Variants in MTA1 observed in about 807,000 individuals in gnomAD.
MTA1 encodes the protein metastasis associated 1, also known as metastasis-associated protein MTA1.
MTA1 carries 15 observed loss-of-function variants against 97.0 expected under a neutral mutation model. The observed-to-expected ratio is 0.15, with a 90% CI of 0.10 to 0.24. MTA1 has a LOEUF of 0.24. Ranked by LOEUF, MTA1 falls within the 10% of genes least tolerant of loss-of-function variation. MTA1 has a pLI of 1.00. For synonymous variants in MTA1, 435 were observed against 417.5 expected (o/e 1.04, Z -0.51); for missense variants, 709 against 1,015.1 (o/e 0.70, Z 4.10).
chr14:105,463,138 G>C lies in MTA1; in HGVS notation c.943-46G>C. 6.3e-7 allele frequency: 1 copy of C among 1,585,118 alleles called. No individual in the cohort carries two copies. Among genetic ancestry groups the C allele is most frequent in the Non-Finnish European group, 8.6e-7 (1 of 1,159,302 alleles). Reference sequence around the variant, plus strand: ...CTGCCCCTGCCTGCATGGTGTGCCTGCCTCCTGCCCCTTCCTGCTTGTGTG... The same window carrying C: ...CTGCCCCTGCCTGCATGGTGTGCCTCCCTCCTGCCCCTTCCTGCTTGTGTG... On this transcript the variant is annotated intron_variant, in intron 10 of 20. Transcript: ENST00000331320. This position sits in a 1 kb window ranked among gnomAD's most constrained non-coding sequence, Gnocchi z 5.9.
chr14:105,459,145 G>A (rs1383123770), intron 8 of MTA1, among the ~76,000 whole-genome samples: 1 of 36,896 alleles, frequency 2.7e-5, no homozygotes, highest in Non-Finnish European at 7.1e-5. Flanking sequence ...CGCGCTGCCC[G>A]TGGCCCCTGG....
rs2083452427 is a variant in MTA1 at position 105,463,749 on chromosome 14, C to T, written c.1076+198C>T. ...GGCCATGTCTCTGTCGTCCTGGCCT[C>T]CTGGTCAGTAAGGGGGCATTGGGAT... On this transcript the variant is annotated intron_variant, in intron 12 of 20. Transcript: ENST00000331320. This position sits in a 1 kb window ranked among gnomAD's most constrained non-coding sequence, Gnocchi z 5.9. 4.8e-6 allele frequency: 3 copies of T among 627,924 alleles called. No homozygotes were observed. In the South Asian group the frequency reaches 5.7e-5, roughly 12 times the overall value. 38.9% of individuals were successfully genotyped at this position (627,924 alleles called of 1,614,324 possible). A position where few individuals can be genotyped will look rare whatever the true frequency, so the allele number is the denominator to read the frequency against.
chr14:105,441,382 G>C (rs2082507640), intron 2 of MTA1, among the ~76,000 whole-genome samples: 1 of 152,232 alleles, frequency 6.6e-6, no homozygotes, highest in African/African-American at 2.4e-5. Flanking sequence ...GCACCCATGG[G>C]TGCAGCCCAT....
intron 7 of MTA1, chr14:105,454,604 G>GTT (rs1483463094): frequency 2.5e-5 from 7 of 276,680 alleles, no homozygotes; most frequent in African/African-American, 1.5e-4. Flanking sequence ...TCTGGCAGTT[G>GTT]TTTTTCTTTT....
rs1474893737 is a variant in MTA1 at position 105,420,204 on chromosome 14, G to C, written c.28+141G>C. On this transcript the variant is annotated intron_variant, in intron 1 of 20. Coordinates refer to ENST00000331320, the MANE Select transcript of MTA1 (RefSeq NM_004689.4). The surrounding 1 kb of genome is among the most constrained non-coding windows in gnomAD (Gnocchi z 5.3). ...GCGGCCCCCGGCTCCTTCCCGAACC[G>C]CCCCCCGCCGTGCTCACCCCAACCC... 2.9e-6 allele frequency: 1 copy of C among 347,684 alleles called. No individual in the cohort carries two copies. Among genetic ancestry groups the C allele is most frequent in the African/African-American group, 2.3e-5 (1 of 44,420 alleles). 21.5% of individuals were successfully genotyped at this position (347,684 alleles called of 1,614,324 possible). A position where few individuals can be genotyped will look rare whatever the true frequency, so the allele number is the denominator to read the frequency against.
At position 105,420,005 on chromosome 14, in the gene MTA1, C is replaced by T; in HGVS notation, c.-31C>T. On this transcript the variant is annotated 5_prime_UTR_variant, in exon 1 of 21. Coordinates refer to ENST00000331320, the MANE Select transcript of MTA1 (RefSeq NM_004689.4). The surrounding 1 kb of genome is among the most constrained non-coding windows in gnomAD (Gnocchi z 5.3). Reference sequence around the variant, plus strand: ...CGCCCGCGCCGAGCGCCGCGCCCGCCCCGGGCCCCTCCGCCGCCGCCGGCC... The same window carrying T: ...CGCCCGCGCCGAGCGCCGCGCCCGCTCCGGGCCCCTCCGCCGCCGCCGGCC... 1.9e-6 allele frequency: 2 copies of T among 1,042,868 alleles called. No homozygotes were observed. Among genetic ancestry groups the T allele is most frequent in the South Asian group, 7.0e-5 (2 of 28,592 alleles). The allele number at this position is 1,042,868 out of a possible 1,614,324, so 64.6% of individuals were successfully genotyped here.
At position 105,452,851 on chromosome 14, in the gene MTA1, G is replaced by A. The variant is rs138446955; in HGVS notation, c.433-1342G>A. 1.1e-3 allele frequency among the ~76,000 whole-genome samples: 167 copies of A among 152,334 alleles called. 1 individual carries two copies. The highest frequency in any genetic ancestry group is 3.7e-3 in the African/African-American group (154 of 41,576). On this transcript the variant is annotated intron_variant, in intron 6 of 20. Transcript: ENST00000331320. Reference sequence around the variant, plus strand: ...AAAGGTAGCTCTTGAAAGAAAACACGCAGAGTAGCTTTCAGAATAGGAGAG... The same window carrying A: ...AAAGGTAGCTCTTGAAAGAAAACACACAGAGTAGCTTTCAGAATAGGAGAG...
In MTA1 at chr14:105,422,953, G is replaced by A. The variant is rs2081892603; in HGVS notation, c.28+2890G>A. Among the ~76,000 whole-genome samples, 1 of 152,160 alleles carries A rather than the reference G, an allele frequency of 6.6e-6. No homozygotes were observed. The highest frequency in any genetic ancestry group is 1.5e-5 in the Non-Finnish European group (1 of 68,024). ...CTGCTTCTCAAGGGTTGTCCATCCC[G>A]AGGGCTGGGGAAGGCTTGAAACCTG... On this transcript the variant is annotated intron_variant, in intron 1 of 20. Coordinates refer to ENST00000331320, the MANE Select transcript of MTA1 (RefSeq NM_004689.4). This position sits in a 1 kb window ranked among gnomAD's most constrained non-coding sequence, Gnocchi z 4.3.
chr14:105,466,713 T>C lies in MTA1; in HGVS notation c.1784T>C (p.Met595Thr). Residue 595 changes from methionine (M) to threonine (T), a missense_variant, in exon 18 of 21, where the codon ATG (methionine) becomes ACG (threonine). Met to Thr is a moderately conservative substitution (Grantham distance 81). Coordinates refer to ENST00000331320, the MANE Select transcript of MTA1 (RefSeq NM_004689.4). ...CCCACCCCGGCGCTGCCAGGCAACA[T>C]GAAGAAGCGCCTCTTGATGCCCAGT... is the stretch of plus-strand genomic sequence containing the variant. ...YEQHNGVDGN[M>T]KKRLLMPSRG... 6.2e-7 allele frequency: 1 copy of C among 1,601,782 alleles called. No individual in the cohort carries two copies. Among genetic ancestry groups the C allele is most frequent in the Non-Finnish European group, 8.5e-7 (1 of 1,175,694 alleles).
At chr14:105,441,749 C>CAA (rs2082536334) in intron 2 of MTA1, among the ~76,000 whole-genome samples, 1 of 152,056 alleles carries the variant, frequency 6.6e-6, no homozygotes, top group Non-Finnish European at 1.5e-5. Context: ...AGCCGAGATC[C>CAA]CGCCACTACA....
intron 6 of MTA1, among the ~76,000 whole-genome samples, chr14:105,453,152 C>A (rs1203448403): frequency 6.6e-6 from 1 of 152,256 alleles, no homozygotes; most frequent in African/African-American, 2.4e-5. Context: ...GCCTGGGGGC[C>A]CTGGTGTGAG....
chr14:105,468,804 G>C (rs1425941516), intron 18 of MTA1, among the ~76,000 whole-genome samples: 1 of 152,208 alleles, frequency 6.6e-6, no homozygotes, highest in Non-Finnish European at 1.5e-5. Context: ...GTGGGGAAGG[G>C]CAGTGAGTGG....
intron 3 of MTA1, chr14:105,448,957 C>T (rs2082816817): frequency 5.9e-6 from 1 of 169,852 alleles, no homozygotes; most frequent in African/African-American, 2.4e-5. Context: ...TGCACGCCCC[C>T]ATTTTGGGTG....
In MTA1 at chr14:105,420,040, C is replaced by T. The variant is rs1555420448; in HGVS notation, c.5C>T (p.Ala2Val). 2.7e-6 allele frequency: 3 copies of T among 1,090,968 alleles called. No individual in the cohort carries two copies. The highest frequency in any genetic ancestry group is 2.7e-5 in the South Asian group (1 of 37,144). The allele number at this position is 1,090,968 out of a possible 1,614,324, so 67.6% of individuals were successfully genotyped here. A position where few individuals can be genotyped will look rare whatever the true frequency, so the allele number is the denominator to read the frequency against. The part of the protein sequence containing the change: M[A>V]ANMYRVGDYV... ...TCCGCCGCCGCCGGCCCGGACATGG[C>T]CGCCAACATGTACAGGGTCGGAGGT... The change falls in exon 1 of 21, where the codon GCC becomes GTC. Residue 2 changes from alanine (A) to valine (V), a missense_variant. Coordinates refer to ENST00000331320, the MANE Select transcript of MTA1 (RefSeq NM_004689.4). This position sits in a 1 kb window ranked among gnomAD's most constrained non-coding sequence, Gnocchi z 5.3.
chr14:105,461,948 G>A (rs933221393), intron 10 of MTA1, among the ~76,000 whole-genome samples: 3 of 152,218 alleles, frequency 2.0e-5, no homozygotes, highest in African/African-American at 4.8e-5. Context: ...ACAAGAGGAC[G>A]AGGGCTAGAA....
chr14:105,433,966 T>TA (rs2082256262), intron 1 of MTA1, among the ~76,000 whole-genome samples: 2 of 152,136 alleles, frequency 1.3e-5, no homozygotes, highest in Non-Finnish European at 2.9e-5. Context: ...TAGCTGGGAC[T>TA]ACAGGTGCGT....
intron 10 of MTA1, 122 bp downstream of exon 10, chr14:105,461,075 T>G: frequency 2.0e-6 from 2 of 1,022,180 alleles, no homozygotes; most frequent in South Asian, 1.6e-5. Flanking sequence ...CCTGATTCCC[T>G]GTGCGGAGCT....
rs140991917 is a variant in MTA1 at position 105,434,490 on chromosome 14, C to CT, written c.29-4161dup. Among the ~76,000 whole-genome samples the CT allele has an allele frequency of 6.3e-3, 545 of 86,914 alleles. 8 individuals carry two copies. Among genetic ancestry groups the CT allele is most frequent in the African/African-American group, 0.019 (509 of 26,822 alleles). 57.0% of individuals were successfully genotyped at this position (86,914 alleles called of 152,430 possible). ...TTGTTAGTAGTACGTAGAAAGAGGA[C>CT]TTTTTTTTTTTTTTTTTTTTTGAGA... On this transcript the variant is annotated intron_variant, in intron 1 of 20. Transcript: ENST00000331320.
At chr14:105,467,569 C>T (rs2083649244) in intron 18 of MTA1, 1 of 443,976 alleles carries the variant, frequency 2.3e-6, no homozygotes, top group Admixed American at 2.4e-5. Flanking sequence ...GTGCCGGGCC[C>T]CCCATCTCCA....
Sources: allele counts gnomAD v4.1 joint callset (sites outside exome capture counted in the v4.1 genomes callset), GRCh38; gene constraint gnomAD v4.1.1; non-coding constraint Gnocchi (gnomAD v3.1); transcripts MANE v1.5; gene names NCBI Gene and HGNC (gene_info 2026-07-23, HGNC 2026-07-21).